ITGBL1: variants seen among roughly 807,000 people sequenced by gnomAD.
ITGBL1 encodes the protein integrin beta-like protein 1.
ITGBL1 carries 51 observed loss-of-function variants against 68.5 expected under a neutral mutation model. The ratio of observed to expected loss-of-function variants is 0.74; its 90% CI spans 0.59 to 0.94. ITGBL1 has a LOEUF of 0.94. Ranked by LOEUF, ITGBL1 falls within the 40% of genes least tolerant of loss-of-function variation. The pLI is 0.00. For synonymous variants in ITGBL1, 209 were observed against 227.3 expected, an observed-to-expected ratio of 0.92 and a Z score of 0.72; for missense variants, 649 against 647.4, an observed-to-expected ratio of 1.00 and a Z score of -0.03.
At chr13:101,678,176 G>A (rs11618133) in intron 7 of ITGBL1, among the ~76,000 whole-genome samples, 55 of 152,172 alleles carry the variant, frequency 3.6e-4, no homozygotes, top group Admixed American at 2.5e-3. Flanking sequence ...TCCCAAATTC[G>A]CATGTACATA....
chr13:101,566,047 T>A (rs11841840), intron 2 of ITGBL1, among the ~76,000 whole-genome samples: 1,754 of 152,274 alleles, frequency 0.012, 35 homozygotes, highest in African/African-American at 0.04. Flanking sequence ...ATATAAAATT[T>A]AAAAAATCAC....
intron 7 of ITGBL1, among the ~76,000 whole-genome samples, chr13:101,683,283 C>T (rs2033683453): frequency 6.6e-6 from 1 of 151,982 alleles, no homozygotes; most frequent in South Asian, 2.1e-4. Context: ...TATATATTCC[C>T]AAACAGTGTG....
intron 7 of ITGBL1, among the ~76,000 whole-genome samples, chr13:101,657,724 T>G (rs1055457057): frequency 1.3e-5 from 2 of 152,222 alleles, no homozygotes; most frequent in African/African-American, 2.4e-5. Flanking sequence ...ATTTACATGT[T>G]GAACACTACA....
At chr13:101,454,836 TC>T (rs2048220097) in intron 2 of ITGBL1, among the ~76,000 whole-genome samples, 1 of 152,226 alleles carries the variant, frequency 6.6e-6, no homozygotes, top group Non-Finnish European at 1.5e-5. Context: ...GAATGACTGT[TC>T]TTGCATTGTT....
intron 7 of ITGBL1, among the ~76,000 whole-genome samples, chr13:101,624,481 G>A (rs2031702700): frequency 6.6e-6 from 1 of 152,130 alleles, no homozygotes; most frequent in Admixed American, 6.6e-5. Flanking sequence ...TGGAAGGGAG[G>A]TGAGGACTCA....
At chr13:101,534,862 C>A (rs2049544739) in intron 2 of ITGBL1, among the ~76,000 whole-genome samples, 1 of 152,030 alleles carries the variant, frequency 6.6e-6, no homozygotes, top group Non-Finnish European at 1.5e-5. Flanking sequence ...AATTATTAAT[C>A]CAGGTGGAGA....
At chr13:101,531,935 C>A (rs1284040194) in intron 2 of ITGBL1, among the ~76,000 whole-genome samples, 4 of 151,560 alleles carry the variant, frequency 2.6e-5, no homozygotes, top group African/African-American at 9.7e-5. Flanking sequence ...GGGGTTTCAC[C>A]GTGTTAGCCA....
At chr13:101,677,350 T>G (rs1012573369) in intron 7 of ITGBL1, among the ~76,000 whole-genome samples, 2 of 152,316 alleles carry the variant, frequency 1.3e-5, no homozygotes, top group African/African-American at 4.8e-5. Context: ...AGTTCTTGAA[T>G]TTTTAAAGCT....
At chr13:101,611,717 A>G (rs1259257062) in intron 7 of ITGBL1, among the ~76,000 whole-genome samples, 1 of 151,896 alleles carries the variant, frequency 6.6e-6, no homozygotes, top group Non-Finnish European at 1.5e-5. Context: ...GTGACCTTGA[A>G]CTTAGCTCCA....
intron 2 of ITGBL1, among the ~76,000 whole-genome samples, chr13:101,556,181 G>A (rs1488061306): frequency 1.3e-5 from 2 of 152,162 alleles, no homozygotes; most frequent in Non-Finnish European, 2.9e-5. Context: ...GGTGTTATGA[G>A]TTGAACTGGA....
chr13:101,639,534 ATTTAC>A (rs1463303900), intron 7 of ITGBL1, among the ~76,000 whole-genome samples: 3 of 152,212 alleles, frequency 2.0e-5, no homozygotes, highest in African/African-American at 7.2e-5. Context: ...GAAGTTAAAT[ATTTAC>A]TTTTAAGATT....
At chr13:101,478,548 G>C (rs552236244) in intron 2 of ITGBL1, among the ~76,000 whole-genome samples, 49 of 152,070 alleles carry the variant, frequency 3.2e-4, no homozygotes, top group African/African-American at 1.1e-3. Context: ...AATTATCCTT[G>C]TTTGCAGATG....
intron 2 of ITGBL1, among the ~76,000 whole-genome samples, chr13:101,559,916 G>A (rs2050071959): frequency 6.6e-6 from 1 of 152,100 alleles, no homozygotes; most frequent in African/African-American, 2.4e-5. Flanking sequence ...TTAGTGTCCA[G>A]GCAGGACAAG....
chr13:101,581,261 G>A (rs771244382), intron 5 of ITGBL1, among the ~76,000 whole-genome samples: 4 of 152,042 alleles, frequency 2.6e-5, no homozygotes, highest in South Asian at 4.1e-4. Context: ...CTGCTTCTTC[G>A]TCACATCTGC....
chr13:101,469,407 C>T lies in ITGBL1; in HGVS notation c.316+15307C>T, dbSNP rs928656903. ...TGTTAATACACCAGTTGTTGCCAGG[C>T]GCTGTGGCTCATGCCTGTAGTCCCA... On this transcript the variant is annotated intron_variant, in intron 2 of 10. Transcript: ENST00000376180. 9.2e-5 allele frequency among the ~76,000 whole-genome samples: 14 copies of T among 152,180 alleles called. No individual in the cohort carries two copies. In the East Asian group the frequency reaches 2.5e-3, roughly 27 times the overall value.
chr13:101,534,655 C>T (rs2139168486), intron 2 of ITGBL1, among the ~76,000 whole-genome samples: 1 of 152,206 alleles, frequency 6.6e-6, no homozygotes, highest in African/African-American at 2.4e-5. Context: ...AAAAGGCAGC[C>T]TGTTAGCACT....
At chr13:101,592,148 C>T (rs911410028) in intron 6 of ITGBL1, among the ~76,000 whole-genome samples, 3 of 152,016 alleles carry the variant, frequency 2.0e-5, no homozygotes, top group African/African-American at 7.2e-5. Context: ...TAAACCACAC[C>T]GTTTCTCACA....
chr13:101,687,895 T>C (rs1370633518), intron 7 of ITGBL1, among the ~76,000 whole-genome samples: 2 of 152,128 alleles, frequency 1.3e-5, no homozygotes, highest in Admixed American at 6.6e-5. Flanking sequence ...GTATCTCTTT[T>C]TTTAGATTTT....
intron 8 of ITGBL1, among the ~76,000 whole-genome samples, chr13:101,703,152 G>A (rs1164378714): frequency 6.8e-6 from 1 of 146,260 alleles, no homozygotes; most frequent in Non-Finnish European, 1.5e-5. Context: ...TGAGATGGAA[G>A]TCAAAAAAGT....
Sources: gnomAD v4.1 joint callset for allele counts (sites outside exome capture counted in the v4.1 genomes callset) on GRCh38, gnomAD v4.1.1 for gene constraint, MANE v1.5 for transcripts, NCBI Gene and HGNC (gene_info 2026-07-23, HGNC 2026-07-21) for gene names.